Variants in IGFBP2 observed in about 807,000 individuals in gnomAD.
The protein encoded by IGFBP2 is insulin like growth factor binding protein 2.
IGFBP2 carries 12 observed loss-of-function variants against 26.2 expected under a neutral mutation model. The ratio of observed to expected loss-of-function variants is 0.46; its 90% CI spans 0.29 to 0.74. The LOEUF (loss-of-function observed/expected upper bound fraction) is 0.74, where lower values mean the gene tolerates loss of function less well. IGFBP2 is among the 30% of genes least tolerant of loss of function. The probability of loss-of-function intolerance (pLI) is 0.09; values close to 1 mark genes in which losing one functional copy is unlikely to be tolerated. For missense variants in IGFBP2, 328 were observed against 441.2 expected, an observed-to-expected ratio of 0.74 and a Z score of 2.30; for synonymous variants, 189 against 200.6, an observed-to-expected ratio of 0.94 and a Z score of 0.49.
Position 216,661,948 on chromosome 2 carries a change from T to A in IGFBP2, c.763T>A (p.Ser255Thr). The A allele has an allele frequency of 6.2e-7, 1 of 1,614,146 alleles. No individual in the cohort carries two copies. The highest frequency in any genetic ancestry group is 8.5e-7 in the Non-Finnish European group (1 of 1,180,026). ...DERGPLEHLYSLHIPNCDKHG... is the reference protein window; with the variant it reads ...DERGPLEHLYTLHIPNCDKHG... ...GCGGGGCCCTCTGGAGCACCTCTAC[T>A]CCCTGCACATCCCCAACTGTGACAA... Residue 255 changes from serine to threonine, a missense_variant, in exon 3 of 4, where the codon TCC (serine) becomes ACC (threonine). By Grantham distance (58) the Ser-to-Thr change is moderately conservative. Coordinates refer to ENST00000233809, the MANE Select transcript of IGFBP2 (RefSeq NM_000597.3).
intron 1 of IGFBP2, among the ~76,000 whole-genome samples, chr2:216,652,071 T>C (rs1433093242): frequency 3.4e-5 from 5 of 149,140 alleles, no homozygotes; most frequent in Admixed American, 1.3e-4. Context: ...CACCACACAT[T>C]TTTTTCTAAA....
At chr2:216,660,477 T>C in intron 1 of IGFBP2, 80 bp from the exon 2 acceptor site, 1 of 1,026,920 alleles carries the variant, frequency 9.7e-7, no homozygotes, top group South Asian at 1.6e-5. Flanking sequence ...TCATCATCAT[T>C]ACGGTCCAGG....
At chr2:216,642,394 C>A (rs926793783) in intron 1 of IGFBP2, among the ~76,000 whole-genome samples, 4 of 149,026 alleles carry the variant, frequency 2.7e-5, no homozygotes, top group Admixed American at 1.3e-4. Context: ...GCAAGCCCGC[C>A]TCCTGGGGTT....
At chr2:216,646,750 CTA>C (rs1406818335) in intron 1 of IGFBP2, among the ~76,000 whole-genome samples, 8 of 152,178 alleles carry the variant, frequency 5.3e-5, no homozygotes, top group Non-Finnish European at 1.0e-4. Context: ...GACTTGTTCA[CTA>C]TCACGAGAAC....
chr2:216,644,915 T>TG (rs1456895850), intron 1 of IGFBP2, among the ~76,000 whole-genome samples: 3 of 152,212 alleles, frequency 2.0e-5, no homozygotes, highest in African/African-American at 7.2e-5. Context: ...GACTCACACA[T>TG]GCAGAAAAGC....
chr2:216,633,239 G>C (rs551556389), upstream of IGFBP2, among the ~76,000 whole-genome samples: 28 of 152,296 alleles, frequency 1.8e-4, no homozygotes, highest in African/African-American at 6.7e-4. Flanking sequence ...GGCCCGGGAA[G>C]AGCAGGGAAC....
Position 216,661,992 on chromosome 2 carries a change from C to A in IGFBP2, c.807C>A (p.Leu269=), listed in dbSNP as rs1383617018. Residue 269 remains leucine, a synonymous_variant, in exon 3 of 4, where the codon CTC becomes CTA. Coordinates refer to ENST00000233809, the MANE Select transcript of IGFBP2 (RefSeq NM_000597.3). ...GTGACAAGCATGGCCTGTACAACCT[C>A]AAACAGGTGAGCATGGTGCCAGCCT... ...PNCDKHGLYN[L]KQCKMSLNGQ... 6.2e-7 allele frequency: 1 copy of A among 1,614,030 alleles called. No homozygotes were observed. Among genetic ancestry groups the A allele is most frequent in the Non-Finnish European group, 8.5e-7 (1 of 1,180,020 alleles).
At chr2:216,636,848 G>A (rs1697506306) in intron 1 of IGFBP2, among the ~76,000 whole-genome samples, 1 of 143,512 alleles carries the variant, frequency 7.0e-6, no homozygotes, top group Admixed American at 7.7e-5. Context: ...TGGCCGTTTG[G>A]CCCGCTGCAC....
At chr2:216,641,575 A>G (rs901769927) in intron 1 of IGFBP2, among the ~76,000 whole-genome samples, 5 of 152,210 alleles carry the variant, frequency 3.3e-5, no homozygotes, top group Admixed American at 3.3e-4. Context: ...GGAAAGGGCA[A>G]TGAAACTGTA....
intron 2 of IGFBP2, 79 bp downstream of exon 2, chr2:216,660,865 A>G: frequency 9.1e-7 from 1 of 1,104,172 alleles, no homozygotes; most frequent in South Asian, 1.4e-5. Context: ...GCATCCTAAT[A>G]AGACCCTCAT....
At chr2:216,642,156 G>A (rs935032864) in intron 1 of IGFBP2, among the ~76,000 whole-genome samples, 2 of 145,392 alleles carry the variant, frequency 1.4e-5, no homozygotes, top group African/African-American at 5.2e-5. Context: ...TTGCCACCAC[G>A]CCCAGCTAAT....
At chr2:216,663,446 T>C (rs1465067873) in intron 3 of IGFBP2, 2 of 152,586 alleles carry the variant, frequency 1.3e-5, no homozygotes, top group Non-Finnish European at 2.9e-5. Flanking sequence ...AATAATGGCA[T>C]CTAATTCACA....
intron 1 of IGFBP2, among the ~76,000 whole-genome samples, chr2:216,654,778 C>T (rs1697887077): frequency 1.3e-5 from 2 of 152,152 alleles, no homozygotes; most frequent in South Asian, 4.2e-4. Flanking sequence ...TTGGCATGTT[C>T]GTTGGCACTG....
intron 1 of IGFBP2, among the ~76,000 whole-genome samples, chr2:216,644,155 C>A (rs1036755446): frequency 1.0e-4 from 15 of 150,624 alleles, no homozygotes. Context: ...CAACTGTAGT[C>A]AGGAATTTTT....
Position 216,633,767 on chromosome 2 carries a change from C to T in IGFBP2, c.244C>T (p.Pro82Ser), listed in dbSNP as rs763391564. 20 of 1,357,598 alleles carry T rather than the reference C, an allele frequency of 1.5e-5. No homozygotes were observed. Among genetic ancestry groups the T allele is most frequent in the Admixed American group, 3.5e-5 (1 of 28,876 alleles). The allele number at this position is 1,357,598 out of a possible 1,614,324, so 84.1% of individuals were successfully genotyped here. A position where few individuals can be genotyped will look rare whatever the true frequency, so the allele number is the denominator to read the frequency against. ...RMPCAELVRE[P>S]GCGCCSVCAR... ...GCCATGCGCGGAGCTCGTCCGGGAG[C>T]CGGGCTGCGGCTGCTGCTCGGTGTG... The change falls in exon 1 of 4, where the codon CCG (proline) becomes TCG (serine). Residue 82 changes from proline to serine, a missense_variant. By Grantham distance (74) the Pro-to-Ser change is moderately conservative (BLOSUM62 -1). Transcript: ENST00000233809.
upstream of IGFBP2, chr2:216,632,974 A>G (rs756277224): frequency 4.6e-5 from 7 of 152,170 alleles, no homozygotes; most frequent in Non-Finnish European, 1.0e-4. Flanking sequence ...ATACCCCAGG[A>G]TGGAAGGAGT....
At chr2:216,651,932 T>A (rs1239779651) in intron 1 of IGFBP2, among the ~76,000 whole-genome samples, 1 of 151,912 alleles carries the variant, frequency 6.6e-6, no homozygotes, top group Non-Finnish European at 1.5e-5. Context: ...CAGCTAATTT[T>A]TGTATTTTTG....
chr2:216,643,441 C>T (rs1029806431), intron 1 of IGFBP2, among the ~76,000 whole-genome samples: 1 of 152,088 alleles, frequency 6.6e-6, no homozygotes, highest in African/African-American at 2.4e-5. Flanking sequence ...GAGGCATGGC[C>T]CCAGGAAAGC....
At chr2:216,652,806 G>T (rs9341172) in intron 1 of IGFBP2, among the ~76,000 whole-genome samples, 2,358 of 152,314 alleles carry the variant, frequency 0.015, 49 homozygotes, top group East Asian at 0.071. Flanking sequence ...GGAAGCTGCG[G>T]CCAGCCTTCA....
Sources: gnomAD v4.1 joint callset for allele counts (sites outside exome capture counted in the v4.1 genomes callset) on GRCh38, gnomAD v4.1.1 for gene constraint, MANE v1.5 for transcripts, NCBI Gene and HGNC (gene_info 2026-07-23, HGNC 2026-07-21) for gene names.